ATG4A: variants seen among roughly 807,000 people sequenced by gnomAD.
ATG4A encodes cysteine protease ATG4A.
Under a neutral mutation model 38.4 loss-of-function variants are expected in ATG4A, and 22 were observed. The observed-to-expected ratio is 0.57, with a 90% CI of 0.41 to 0.82. The LOEUF (loss-of-function observed/expected upper bound fraction) is 0.82, where lower values mean the gene tolerates loss of function less well. ATG4A is among the 40% of genes least tolerant of loss of function. The pLI is 0.00. For synonymous variants in ATG4A, 86 were observed against 100.7 expected (o/e 0.85, Z 0.88); for missense variants, 220 against 290.0 (o/e 0.76, Z 1.75).
At chrX:108,121,731 T>C (rs2032655116) in intron 1 of ATG4A, among the ~76,000 whole-genome samples, 1 of 112,138 alleles carries the variant, frequency 8.9e-6, no homozygotes, top group African/African-American at 3.2e-5. Context: ...CTTTCACTTA[T>C]TGCACTTCTG....
intron 1 of ATG4A, among the ~76,000 whole-genome samples, chrX:108,107,554 A>G (rs2032217910): frequency 8.9e-6 from 1 of 112,106 alleles, no homozygotes; most frequent in African/African-American, 3.2e-5. Flanking sequence ...TCAAGTTGAG[A>G]TGTACCTGGT....
At chrX:108,151,677 C>G (rs370200859) in intron 10 of ATG4A, 125 bp from the exon 11 acceptor site, 1 of 618,770 alleles carries the variant, frequency 1.6e-6, no homozygotes, top group Non-Finnish European at 2.6e-6. Flanking sequence ...CCCAGGCAGT[C>G]TTCCTTCTTT....
chrX:108,141,007 TAC>T (rs1189077786), intron 9 of ATG4A, among the ~76,000 whole-genome samples: 11 of 88,077 alleles, frequency 1.2e-4, no homozygotes, highest in African/African-American at 4.0e-4. Context: ...TACATATATA[TAC>T]GTATATATAC....
At chrX:108,141,364 G>A (rs2033291185) in intron 9 of ATG4A, among the ~76,000 whole-genome samples, 1 of 109,199 alleles carries the variant, frequency 9.2e-6, no homozygotes, top group South Asian at 3.9e-4. Context: ...TATTAATCAA[G>A]AATACACACA....
intron 1 of ATG4A, among the ~76,000 whole-genome samples, chrX:108,121,475 T>C (rs1602639065): frequency 9.0e-6 from 1 of 110,846 alleles, no homozygotes; most frequent in East Asian, 2.8e-4. Context: ...ACTTGAAAAC[T>C]ACAAGTTATT....
At position 108,095,627 on chromosome X, in the gene ATG4A, A is replaced by T. The variant is rs770313947; in HGVS notation, c.10+3791A>T. ...GAGAAACTTTCAGACTCTTTACAAG[A>T]GTGGCCGTACCATTTTACCTTCCCA... On this transcript the variant is annotated intron_variant, in intron 1 of 12. Coordinates refer to ENST00000372232, the MANE Select transcript of ATG4A (RefSeq NM_052936.5). Among the ~76,000 whole-genome samples the T allele has an allele frequency of 1.2e-4, 13 of 111,089 alleles. No individual in the cohort carries two copies. The South Asian group carries it at 5.0e-3, about 43-fold the overall frequency.
intron 1 of ATG4A, among the ~76,000 whole-genome samples, chrX:108,116,207 G>A (rs1453621331): frequency 2.7e-5 from 3 of 112,313 alleles, no homozygotes; most frequent in African/African-American, 6.5e-5. Context: ...GTGAAGGTAC[G>A]TGTGTAATTT....
intron 3 of ATG4A, among the ~76,000 whole-genome samples, chrX:108,130,363 T>A (rs1270019201): frequency 8.9e-6 from 1 of 112,441 alleles, no homozygotes; most frequent in African/African-American, 3.2e-5. Flanking sequence ...GTTATCTGAT[T>A]TCATTGGCCC....
intron 3 of ATG4A, 81 bp from the exon 4 acceptor site, chrX:108,131,179 G>A (rs185610817): frequency 1.2e-6 from 1 of 857,969 alleles, no homozygotes; most frequent in Non-Finnish European, 1.7e-6. Flanking sequence ...TACCTGTCTT[G>A]TGTGAGTCCC....
Position 108,137,895 on chromosome X carries a change from C to T in ATG4A, c.639C>T (p.Thr213=), listed in dbSNP as rs757614317. The T allele has an allele frequency of 3.3e-6, 4 of 1,208,361 alleles. No homozygotes were observed. The highest frequency in any genetic ancestry group is 3.4e-6 in the Non-Finnish European group (3 of 894,114). ...CTGCTTCAAACCAGAGTAAGGGCAC[C>T]TCTGCCTACTGCTCAGCCTGGAAAC... is the stretch of plus-strand genomic sequence containing the variant. ...SLTASNQSKG[T]SAYCSAWKPL... The change falls in exon 8 of 13, where the codon ACC becomes ACT. Residue 213 remains threonine (T), a synonymous_variant. Coordinates refer to ENST00000372232, the MANE Select transcript of ATG4A (RefSeq NM_052936.5).
At chrX:108,138,344 A>G (rs1324499552) in intron 9 of ATG4A, among the ~76,000 whole-genome samples, 153 bp downstream of exon 9, 1 of 111,352 alleles carries the variant, frequency 9.0e-6, no homozygotes, top group Non-Finnish European at 1.9e-5. Context: ...TCTCCGGCCT[A>G]ACTGATGGAG....
rs370362234 is a variant in ATG4A, at chrX:108,120,045, A to G, written c.11-6032A>G. On this transcript the variant is annotated intron_variant, in intron 1 of 12. Transcript: ENST00000372232. ...CATGCTTTCCTCCAATTTCCCAGTA[A>G]CAACTGACCAGCAGGTTGATTCTAA... 1.2e-4 allele frequency among the ~76,000 whole-genome samples: 13 copies of G among 112,262 alleles called. No individual in the cohort carries two copies. The East Asian group carries it at 3.1e-3, about 27-fold the overall frequency.
intron 1 of ATG4A, among the ~76,000 whole-genome samples, chrX:108,123,605 G>A (rs769029699): frequency 8.9e-6 from 1 of 111,739 alleles, no homozygotes; most frequent in Non-Finnish European, 1.9e-5. Context: ...TTCAAGGATG[G>A]CTGTGGCCTC....
At position 108,091,795 on chromosome X, in the gene ATG4A, C is replaced by G. The variant is rs376100260; in HGVS notation, c.-32C>G. 7.2e-4 allele frequency: 875 copies of G among 1,208,854 alleles called. No homozygotes were observed. Among genetic ancestry groups the G allele is most frequent in the Non-Finnish European group, 9.1e-4 (816 of 894,203 alleles). Reference sequence around the variant, plus strand: ...GACCGTCCGTCCGTAGTCAAGTTGCCGGTGGAATTGGCCCAGGATGACAGC... The same window carrying G: ...GACCGTCCGTCCGTAGTCAAGTTGCGGGTGGAATTGGCCCAGGATGACAGC... On this transcript the variant is annotated 5_prime_UTR_variant, in exon 1 of 13. Transcript: ENST00000372232.
chrX:108,131,394 C>T lies in ATG4A; in HGVS notation c.292+36C>T. 3 of 1,147,182 alleles carry T rather than the reference C, an allele frequency of 2.6e-6. No homozygotes were observed. In the South Asian group the frequency reaches 5.5e-5, roughly 21 times the overall value. The allele number at this position is 1,147,182 out of a possible 1,213,427, so 94.5% of individuals were successfully genotyped here. A position where few individuals can be genotyped will look rare whatever the true frequency, so the allele number is the denominator to read the frequency against. The stretch of plus-strand genomic sequence containing the variant: ...TTTGTTTTATAAACTTTCTCAGAGA[C>T]CTCTGCAGTATCACTTGCTGCTGTT... On this transcript the variant is annotated intron_variant, in intron 4 of 12. Coordinates refer to ENST00000372232, the MANE Select transcript of ATG4A (RefSeq NM_052936.5).
At chrX:108,141,901 G>A (rs970977093) in intron 9 of ATG4A, among the ~76,000 whole-genome samples, 1 of 111,311 alleles carries the variant, frequency 9.0e-6, no homozygotes, top group African/African-American at 3.3e-5. Flanking sequence ...GGTGTGGATT[G>A]GGCTTCTAGT....
chrX:108,109,803 G>C (rs1433952727), intron 1 of ATG4A, among the ~76,000 whole-genome samples: 1 of 111,618 alleles, frequency 9.0e-6, no homozygotes, highest in African/African-American at 3.3e-5. Context: ...TTATGTGTGA[G>C]CTTTCTATTC....
chrX:108,147,053 C>T (rs1208045354), intron 9 of ATG4A, among the ~76,000 whole-genome samples: 2 of 111,361 alleles, frequency 1.8e-5, no homozygotes, highest in African/African-American at 3.3e-5. Flanking sequence ...GAGTATAGTG[C>T]ACCTCCTCAT....
intron 4 of ATG4A, among the ~76,000 whole-genome samples, chrX:108,132,276 C>T (rs892840288): frequency 8.9e-6 from 1 of 112,375 alleles, no homozygotes; most frequent in African/African-American, 3.2e-5. Flanking sequence ...ATGGGGTTGG[C>T]TGGATGCCAG....
Sources: gnomAD v4.1 joint callset for allele counts (sites outside exome capture counted in the v4.1 genomes callset) on GRCh38, gnomAD v4.1.1 for gene constraint, MANE v1.5 for transcripts, NCBI Gene and HGNC (gene_info 2026-07-23, HGNC 2026-07-21) for gene names.